TCP11L2: variants seen among roughly 807,000 people sequenced by gnomAD.
The protein encoded by TCP11L2 is t-complex 11 like 2.
A neutral mutation model predicts 50.7 loss-of-function variants in TCP11L2; 39 were observed. The ratio of observed to expected loss-of-function variants is 0.77; its 90% confidence interval spans 0.60 to 1.01. TCP11L2 has a LOEUF of 1.01. Ranked by LOEUF, TCP11L2 falls within the 50% of genes least tolerant of loss-of-function variation. The pLI is 0.00. For missense variants in TCP11L2, 612 were observed against 614.7 expected (o/e 1.00, Z 0.05); for synonymous variants, 192 against 219.3 (o/e 0.88, Z 1.10).
At chr12:106,342,055 G>A (rs529817017) in intron 9 of TCP11L2, among the ~76,000 whole-genome samples, 165 of 152,276 alleles carry the variant, frequency 1.1e-3, no homozygotes, top group Admixed American at 1.8e-3. Flanking sequence ...AGAAGCTGCC[G>A]TGTGGTACAA....
intron 8 of TCP11L2, among the ~76,000 whole-genome samples, chr12:106,337,207 G>C (rs754372828): frequency 2.0e-5 from 3 of 152,110 alleles, no homozygotes; most frequent in Non-Finnish European, 4.4e-5. Context: ...AAATGCACCT[G>C]TCTTCTCATC....
intron 6 of TCP11L2, chr12:106,324,505 A>T (rs2035470707): frequency 6.6e-6 from 1 of 152,252 alleles, no homozygotes; most frequent in African/African-American, 2.4e-5. Flanking sequence ...GAAACTCATC[A>T]GAGAGTTTTA....
chr12:106,305,143 G>A (rs1005375141), intron 1 of TCP11L2, among the ~76,000 whole-genome samples: 3 of 152,182 alleles, frequency 2.0e-5, no homozygotes, highest in Admixed American at 6.5e-5. Context: ...CTACACTGCT[G>A]TGAACCCTTG....
intron 8 of TCP11L2, among the ~76,000 whole-genome samples, chr12:106,338,451 T>A (rs1003445657): frequency 9.2e-5 from 14 of 152,242 alleles, no homozygotes; most frequent in African/African-American, 3.1e-4. Context: ...TTGCTTAGGA[T>A]AATGGTCTCC....
intron 6 of TCP11L2, chr12:106,329,403 G>T: frequency 6.5e-7 from 1 of 1,536,012 alleles, no homozygotes; most frequent in Non-Finnish European, 8.7e-7. Flanking sequence ...CACCGTGCCA[G>T]CCTGTGAGAG....
intron 6 of TCP11L2, among the ~76,000 whole-genome samples, chr12:106,327,287 G>A (rs1035277789): frequency 6.6e-6 from 1 of 151,814 alleles, no homozygotes. Flanking sequence ...TCCAATTCTT[G>A]GACTCAAGGG....
At chr12:106,344,600 C>A (rs747755906) in intron 9 of TCP11L2, among the ~76,000 whole-genome samples, 3 of 152,190 alleles carry the variant, frequency 2.0e-5, no homozygotes, top group Non-Finnish European at 4.4e-5. Flanking sequence ...GAAACAAGTT[C>A]TAGGTCAGAC....
chr12:106,305,901 C>T (rs1257311284), intron 1 of TCP11L2, among the ~76,000 whole-genome samples: 1 of 152,170 alleles, frequency 6.6e-6, no homozygotes, highest in African/African-American at 2.4e-5. Context: ...GAGAACACTG[C>T]AGAATAAGGT....
rs912375596 is a variant in TCP11L2, at chr12:106,307,364, C to T, written c.-35-3677C>T. On this transcript the variant is annotated intron_variant, in intron 1 of 9. Transcript: ENST00000299045. ...CTTTACCTTTGACCAGTGATTAAAT[C>T]CTCCAGGTATGATGAGATGTGATGT... 5.3e-5 allele frequency: 8 copies of T among 152,230 alleles called. No individual in the cohort carries two copies. The South Asian group carries it at 1.5e-3, about 28-fold the overall frequency. The allele number at this position is 152,230 out of a possible 1,614,324, so 9.4% of individuals were successfully genotyped here. A position where few individuals can be genotyped will look rare whatever the true frequency, so the allele number is the denominator to read the frequency against.
At chr12:106,300,473 G>A (rs1184693989), upstream of TCP11L2, among the ~76,000 whole-genome samples, 2 of 152,170 alleles carry the variant, frequency 1.3e-5, no homozygotes, top group African/African-American at 2.4e-5. Flanking sequence ...GGGATTACAG[G>A]TGCGTGCCAC....
chr12:106,321,411 T>C (rs2035328346), intron 4 of TCP11L2, 75 bp from the exon 5 acceptor site: 2 of 1,320,132 alleles, frequency 1.5e-6, no homozygotes, highest in African/African-American at 2.9e-5. Flanking sequence ...AGCTTGGTCA[T>C]CTAGACACTG....
At chr12:106,312,576 C>A in intron 2 of TCP11L2, 1 of 338,618 alleles carries the variant, frequency 3.0e-6, no homozygotes, top group Non-Finnish European at 4.4e-6. Context: ...TGATCCTCCT[C>A]CTCATCTTCT....
intron 8 of TCP11L2, among the ~76,000 whole-genome samples, chr12:106,337,054 A>G (rs1336172663): frequency 1.7e-5 from 2 of 118,832 alleles, no homozygotes; most frequent in African/African-American, 3.2e-5. Context: ...ACATCATCCA[A>G]TAGGAATTCC....
At chr12:106,307,674 C>T (rs537714682) in intron 1 of TCP11L2, among the ~76,000 whole-genome samples, 3 of 152,098 alleles carry the variant, frequency 2.0e-5, no homozygotes, top group East Asian at 1.9e-4. Context: ...ATGGGCCATT[C>T]GCTTTTGGTT....
intron 9 of TCP11L2, among the ~76,000 whole-genome samples, chr12:106,344,882 T>C (rs1300729571): frequency 1.3e-5 from 2 of 152,164 alleles, no homozygotes; most frequent in Non-Finnish European, 2.9e-5. Flanking sequence ...GTCAAATACA[T>C]TGAGGCAGTG....
upstream of TCP11L2, among the ~76,000 whole-genome samples, chr12:106,301,430 A>G (rs907492415): frequency 6.6e-6 from 1 of 152,246 alleles, no homozygotes; most frequent in Non-Finnish European, 1.5e-5. Context: ...CCAAGGAAAT[A>G]GCTATCATTG....
upstream of TCP11L2, among the ~76,000 whole-genome samples, chr12:106,299,038 A>T (rs2034379130): frequency 6.6e-6 from 1 of 151,726 alleles, no homozygotes; most frequent in African/African-American, 2.4e-5. Context: ...CTGGTCTCGA[A>T]CTCATGACTT....
At chr12:106,339,083 T>G (rs1375279877) in intron 8 of TCP11L2, among the ~76,000 whole-genome samples, 3 of 152,112 alleles carry the variant, frequency 2.0e-5, no homozygotes, top group African/African-American at 7.2e-5. Context: ...AGGCAGAGGT[T>G]GCAGTGAGCC....
chr12:106,329,680 T>A (rs1053980214), intron 6 of TCP11L2: 11 of 1,158,518 alleles, frequency 9.5e-6, no homozygotes, highest in Non-Finnish European at 1.2e-5. Context: ...GTTGCTTTTG[T>A]TCAAGGTAAC....
Sources: gnomAD v4.1 joint callset for allele counts (sites outside exome capture counted in the v4.1 genomes callset) on GRCh38, gnomAD v4.1.1 for gene constraint, MANE v1.5 for transcripts, NCBI Gene and HGNC (gene_info 2026-07-23, HGNC 2026-07-21) for gene names.